Variants in CLVS1 observed in about 807,000 individuals in gnomAD.
The protein encoded by CLVS1 is clavesin-1.
CLVS1 carries 10 observed loss-of-function variants against 33.1 expected under a neutral mutation model. The ratio of observed to expected loss-of-function variants is 0.30; its 90% CI spans 0.19 to 0.51. The LOEUF (loss-of-function observed/expected upper bound fraction) is 0.51, where lower values mean the gene tolerates loss of function less well. CLVS1 is among the 20% of genes least tolerant of loss of function. CLVS1 has a pLI of 0.97. For synonymous variants in CLVS1, 163 were observed against 166.1 expected, an observed-to-expected ratio of 0.98 and a Z score of 0.14; for missense variants, 343 against 433.4, an observed-to-expected ratio of 0.79 and a Z score of 1.85.
chr8:61,453,976 C>A (rs537616916), intron 3 of CLVS1, among the ~76,000 whole-genome samples, 165 bp from the exon 4 acceptor site: 28 of 152,142 alleles, frequency 1.8e-4, no homozygotes, highest in Non-Finnish European at 8.8e-5. Context: ...ATAAAGACAT[C>A]CTTAACAATT....
intron 2 of CLVS1, among the ~76,000 whole-genome samples, chr8:61,142,630 C>G (rs753538443): frequency 1.3e-5 from 2 of 152,190 alleles, no homozygotes; most frequent in Admixed American, 6.5e-5. Context: ...TTTTTTGTAG[C>G]CTTTCTGCCT....
At chr8:61,107,327 A>G (rs1805555488) in intron 1 of CLVS1, among the ~76,000 whole-genome samples, 1 of 152,172 alleles carries the variant, frequency 6.6e-6, no homozygotes, top group African/African-American at 2.4e-5. Flanking sequence ...AATACCTTAC[A>G]CTGGAAAATT....
At chr8:61,033,161 A>AAGAAAG in the CLVS1 span, among the ~76,000 whole-genome samples, 25 of 92,118 alleles carry the variant, frequency 2.7e-4, 5 homozygotes, top group Non-Finnish European at 4.3e-4. Context: ...GAAAGAAAGA[A>AAGAAAG]AAAGAAAGAA....
chr8:61,108,938 G>A (rs1365702851), intron 1 of CLVS1, among the ~76,000 whole-genome samples: 2 of 152,242 alleles, frequency 1.3e-5, no homozygotes, highest in African/African-American at 2.4e-5. Flanking sequence ...TTCCCTGCAA[G>A]CAACAGAGAG....
At chr8:61,183,415 G>A (rs1807279941) in intron 2 of CLVS1, among the ~76,000 whole-genome samples, 1 of 152,170 alleles carries the variant, frequency 6.6e-6, no homozygotes, top group African/African-American at 2.4e-5. Flanking sequence ...TTTTAATGAT[G>A]ATCAGATGAC....
chr8:61,232,041 T>TGTTTTG (rs1302389931), intron 2 of CLVS1, among the ~76,000 whole-genome samples: 39,657 of 116,128 alleles, frequency 0.34, 8,051 homozygotes, highest in Non-Finnish European at 0.4. Flanking sequence ...TTTTTTTTTT[T>TGTTTTG]TTTTTTTTTG....
chr8:61,368,370 G>C (rs1161265205), intron 2 of CLVS1, among the ~76,000 whole-genome samples: 1 of 152,204 alleles, frequency 6.6e-6, no homozygotes, highest in Non-Finnish European at 1.5e-5. Context: ...GAGTGGTCTG[G>C]AGAAACACGG....
At chr8:61,049,753 T>C in the CLVS1 span, among the ~76,000 whole-genome samples, 2 of 152,200 alleles carry the variant, frequency 1.3e-5, no homozygotes, top group African/African-American at 4.8e-5. Context: ...TAATTATAGA[T>C]CCTTTGGTTT....
chr8:61,246,196 T>TTTTTTTTG, intron 2 of CLVS1, among the ~76,000 whole-genome samples: 1 of 126,862 alleles, frequency 7.9e-6, no homozygotes, highest in Non-Finnish European at 1.6e-5. Flanking sequence ...TTTTTTTTTT[T>TTTTTTTTG]GAGACGGAGT....
chr8:61,096,269 A>G (rs911090940), intron 1 of CLVS1, among the ~76,000 whole-genome samples: 1 of 152,218 alleles, frequency 6.6e-6, no homozygotes, highest in Non-Finnish European at 1.5e-5. Context: ...CTATAAATAA[A>G]TGCTGCCACC....
intron 5 of CLVS1, among the ~76,000 whole-genome samples, chr8:61,482,470 C>T (rs140703030): frequency 0.022 from 3,226 of 149,412 alleles, 122 homozygotes; most frequent in African/African-American, 0.075. Context: ...AAAGATTAGA[C>T]GAATGGCTAA....
At chr8:61,108,398 G>C (rs1805574847) in intron 1 of CLVS1, among the ~76,000 whole-genome samples, 1 of 152,126 alleles carries the variant, frequency 6.6e-6, no homozygotes, top group Non-Finnish European at 1.5e-5. Context: ...TTGACAACTA[G>C]TCGATTTTGC....
chr8:60,971,265 G>A, the CLVS1 span, among the ~76,000 whole-genome samples: 1 of 151,982 alleles, frequency 6.6e-6, no homozygotes, highest in East Asian at 1.9e-4. Context: ...TTTTTGTAGC[G>A]ATAGGGTTTC....
At chr8:61,358,973 ATAATT>A (rs1161365492) in intron 2 of CLVS1, among the ~76,000 whole-genome samples, 2 of 152,186 alleles carry the variant, frequency 1.3e-5, no homozygotes, top group Non-Finnish European at 2.9e-5. Context: ...TTGTATTATT[ATAATT>A]TAAAGTTTAA....
chr8:61,232,041 T>TTTTTTTTTTTTTGTTTTTTTTG (rs1554548394), intron 2 of CLVS1, among the ~76,000 whole-genome samples: 1 of 116,004 alleles, frequency 8.6e-6, no homozygotes, highest in East Asian at 2.7e-4. Context: ...TTTTTTTTTT[T>TTTTTTTTTTTTTGTTTTTTTTG]TTTTTTTTTG....
chr8:61,079,673 G>A (rs1215310432), intron 1 of CLVS1, among the ~76,000 whole-genome samples: 1 of 152,104 alleles, frequency 6.6e-6, no homozygotes, highest in African/African-American at 2.4e-5. Context: ...CTGTTTATTT[G>A]TTTGAGTTAC....
At chr8:61,123,707 C>T (rs188235861) in intron 1 of CLVS1, among the ~76,000 whole-genome samples, 52 of 152,220 alleles carry the variant, frequency 3.4e-4, no homozygotes, top group African/African-American at 1.2e-3. Context: ...CATTTCAGGT[C>T]AGTCGGTGTG....
the CLVS1 span, among the ~76,000 whole-genome samples, chr8:61,041,808 A>G: frequency 5.2e-4 from 79 of 152,170 alleles, no homozygotes; most frequent in Non-Finnish European, 8.2e-4. Context: ...TCATATCATT[A>G]GTGAAGAGAG....
chr8:61,040,622 C>T, the CLVS1 span, among the ~76,000 whole-genome samples: 1 of 152,136 alleles, frequency 6.6e-6, no homozygotes, highest in South Asian at 2.1e-4. Context: ...TGTTTGTTGG[C>T]CTCTTGTATG....
Sources: gnomAD v4.1 joint callset for allele counts (sites outside exome capture counted in the v4.1 genomes callset) on GRCh38, gnomAD v4.1.1 for gene constraint, MANE v1.5 for transcripts, NCBI Gene and HGNC (gene_info 2026-07-23, HGNC 2026-07-21) for gene names.